SLC47A2: variants seen among roughly 807,000 people sequenced by gnomAD.
SLC47A2 encodes the protein solute carrier family 47 member 2, also known as multidrug and toxin extrusion protein 2.
Under a neutral mutation model 67.7 loss-of-function variants are expected in SLC47A2, and 52 were observed. That is an observed-to-expected ratio of 0.77 (90% confidence interval 0.61 to 0.97). The LOEUF (loss-of-function observed/expected upper bound fraction) is 0.97. Ranked by LOEUF, SLC47A2 falls within the 50% of genes least tolerant of loss-of-function variation. SLC47A2 has a pLI of 0.00. For synonymous variants in SLC47A2, 278 were observed against 292.9 expected (o/e 0.95, Z 0.52); for missense variants, 676 against 712.3 (o/e 0.95, Z 0.58).
chr17:19,715,152 G>A lies in SLC47A2; in HGVS notation c.189C>T (p.Gly63=). Residue 63 remains glycine, a synonymous_variant, in exon 2 of 17, where the codon GGC becomes GGT. Transcript: ENST00000433844. ...IVSTVFCGHL[G]KVELASVTLA... is the part of the protein sequence containing the mutation. ...GGGTCACCGATGCCAGCTCCACCTT[G>A]CCCAGGTGCCCGCAGAACACAGTGC... 1.2e-6 allele frequency: 2 copies of A among 1,612,476 alleles called. No homozygotes were observed. The highest frequency in any genetic ancestry group is 1.1e-5 in the South Asian group (1 of 91,086).
At chr17:19,698,624 G>C (rs1298625879) in intron 13 of SLC47A2, among the ~76,000 whole-genome samples, 3 of 152,000 alleles carry the variant, frequency 2.0e-5, no homozygotes, top group Non-Finnish European at 4.4e-5. Context: ...CAAAGTCCAG[G>C]GATTACAAGC....
chr17:19,713,515 A>T (rs1326730044), intron 4 of SLC47A2, among the ~76,000 whole-genome samples: 4 of 152,258 alleles, frequency 2.6e-5, no homozygotes, highest in Non-Finnish European at 2.9e-5. Context: ...CTTCGAAAGC[A>T]TCTGTAAAGC....
In SLC47A2 at chr17:19,678,596, A is replaced by G. The variant is rs563463924; in HGVS notation, c.*90T>C. ...GTGGTTCAAAGTGTCCACCTGCACTAGACCCCATTGGTGTTTTTGCAGGGC... is the reference window on the plus strand; with the variant it reads ...GTGGTTCAAAGTGTCCACCTGCACTGGACCCCATTGGTGTTTTTGCAGGGC... On this transcript the variant is annotated 3_prime_UTR_variant, in exon 17 of 17. Transcript: ENST00000433844. The G allele has an allele frequency of 2.1e-5, 28 of 1,363,538 alleles. No homozygotes were observed. The highest frequency in any genetic ancestry group is 2.4e-5 in the Non-Finnish European group (23 of 963,852). The allele number at this position is 1,363,538 out of a possible 1,614,324, so 84.5% of individuals were successfully genotyped here. A position where few individuals can be genotyped will look rare whatever the true frequency, so the allele number is the denominator to read the frequency against.
Position 19,714,751 on chromosome 17 carries a change from C to G in SLC47A2, c.264G>C (p.Leu88Phe). 2 of 1,614,148 alleles carry G rather than the reference C, an allele frequency of 1.2e-6. No individual in the cohort carries two copies. Among genetic ancestry groups the G allele is most frequent in the Non-Finnish European group, 1.7e-6 (2 of 1,180,050 alleles). ...ACATCAAGGTGTCACATGCCGAAGA[C>G]AAACCAACTCCTACAGAAACTCCGC... is the stretch of plus-strand genomic sequence containing the variant. ...NVCGVSVGVG[L>F]SSACDTLMSQ... Residue 88 changes from leucine to phenylalanine, a missense_variant, in exon 3 of 17, where the codon TTG becomes TTC. Leu to Phe is a conservative substitution (Grantham distance 22, BLOSUM62 0). Transcript: ENST00000433844.
rs1381803068 is a variant in SLC47A2 at position 19,716,474 on chromosome 17, CA to C, written c.81del (p.Phe27LeufsTer21). On this transcript the variant is annotated frameshift_variant, in exon 1 of 17. Coordinates refer to ENST00000433844, the MANE Select transcript of SLC47A2 (RefSeq NM_001099646.3). LOFTEE classifies it high-confidence loss of function. ...PALSRLVPRG[F>X]GTEMWTLFAL... is the part of the protein sequence containing the mutation. ...GCAAAGAGAGTCCACATCTCAGTCC[CA>C]AAGCCTCTGGGAACCAGCCTGCTGA... 6.2e-7 allele frequency: 1 copy of C among 1,612,670 alleles called. No individual in the cohort carries two copies. The highest frequency in any genetic ancestry group is 8.5e-7 in the Non-Finnish European group (1 of 1,179,486).
chr17:19,690,249 T>C (rs2085511230), intron 13 of SLC47A2, among the ~76,000 whole-genome samples: 1 of 152,160 alleles, frequency 6.6e-6, no homozygotes, highest in African/African-American at 2.4e-5. Context: ...CCCCTATCTC[T>C]CACCGTATAC....
chr17:19,696,031 GT>G (rs2085655627), intron 13 of SLC47A2, among the ~76,000 whole-genome samples: 1 of 149,754 alleles, frequency 6.7e-6, no homozygotes, highest in South Asian at 2.1e-4. Flanking sequence ...GCCAAAAGAT[GT>G]TGAAATTCTA....
At position 19,715,152 on chromosome 17, in the gene SLC47A2, G is replaced by T; in HGVS notation, c.189C>A (p.Gly63=). Residue 63 remains glycine, a synonymous_variant, in exon 2 of 17, where the codon GGC becomes GGA. Coordinates refer to ENST00000433844, the MANE Select transcript of SLC47A2 (RefSeq NM_001099646.3). Reference sequence around the variant, plus strand: ...GGGTCACCGATGCCAGCTCCACCTTGCCCAGGTGCCCGCAGAACACAGTGC... The same window carrying T: ...GGGTCACCGATGCCAGCTCCACCTTTCCCAGGTGCCCGCAGAACACAGTGC... ...IVSTVFCGHL[G]KVELASVTLA... 6.2e-7 allele frequency: 1 copy of T among 1,612,476 alleles called. No homozygotes were observed.
Position 19,703,136 on chromosome 17 carries a change from T to C in SLC47A2, c.1050A>G (p.Ile350Met), listed in dbSNP as rs754842501. ...GCCCCAGCTGATTTTTCAGGATGCT[T>C]ATCAGGGTGCCCAGGACCAGGGAAA... ...VGISLVLGTL[I>M]SILKNQLGHI... Residue 350 changes from isoleucine to methionine, a missense_variant, in exon 12 of 17, where the codon ATA becomes ATG. Physicochemically the swap from Ile to Met is conservative, Grantham distance 10. Coordinates refer to ENST00000433844, the MANE Select transcript of SLC47A2 (RefSeq NM_001099646.3). 3.7e-6 allele frequency: 6 copies of C among 1,613,992 alleles called. No homozygotes were observed. The highest frequency in any genetic ancestry group is 1.7e-5 in the Admixed American group (1 of 60,004).
chr17:19,711,557 C>T (rs1259038729), intron 5 of SLC47A2, among the ~76,000 whole-genome samples: 9 of 128,476 alleles, frequency 7.0e-5, no homozygotes, highest in Admixed American at 6.6e-4. Context: ...CCACTGCACT[C>T]CAGCCTGGAT....
chr17:19,678,677 GCTT>G lies in SLC47A2; in HGVS notation c.*6_*8del, dbSNP rs765424466. ...GCCACTCCTGGCTTTCTATTTCCAA[GCTT>G]CTTTGCTAGTGCCTGGTGGCTAGGA... is the stretch of plus-strand genomic sequence containing the variant. On this transcript the variant is annotated 3_prime_UTR_variant, in exon 17 of 17. Coordinates refer to ENST00000433844, the MANE Select transcript of SLC47A2 (RefSeq NM_001099646.3). The G allele has an allele frequency of 6.2e-7, 1 of 1,610,982 alleles. No homozygotes were observed. The highest frequency in any genetic ancestry group is 8.5e-7 in the Non-Finnish European group (1 of 1,178,814).
chr17:19,687,204 T>C (rs932162702), intron 13 of SLC47A2, among the ~76,000 whole-genome samples: 7 of 152,152 alleles, frequency 4.6e-5, no homozygotes, highest in African/African-American at 1.4e-4. Context: ...AGTGGGTCAA[T>C]GAAGAAATTA....
At chr17:19,704,010 G>A (rs2085858220) in intron 11 of SLC47A2, 60 bp downstream of exon 11, 7 of 1,336,928 alleles carry the variant, frequency 5.2e-6, no homozygotes, top group Non-Finnish European at 7.2e-6. Context: ...GCCTTCCTGT[G>A]GCCCAGGCTG....
intron 5 of SLC47A2, among the ~76,000 whole-genome samples, chr17:19,709,177 TG>T (rs2086030015): frequency 6.6e-6 from 1 of 152,184 alleles, no homozygotes; most frequent in Non-Finnish European, 1.5e-5. Context: ...GATTTGAAGG[TG>T]TGACTTCGGA....
At chr17:19,698,519 T>C (rs1285967224) in intron 13 of SLC47A2, among the ~76,000 whole-genome samples, 1 of 152,074 alleles carries the variant, frequency 6.6e-6, no homozygotes, top group African/African-American at 2.4e-5. Context: ...GCTTGGCTAA[T>C]TTTTGTATTT....
intron 10 of SLC47A2, chr17:19,704,641 G>A (rs991666845): frequency 1.9e-6 from 3 of 1,544,654 alleles, no homozygotes; most frequent in African/African-American, 2.7e-5. Flanking sequence ...GGGATAACAT[G>A]CAGATGCGTA....
At chr17:19,695,512 C>CAAAAAAAAAAAAAAAAAAAAA (rs1567622402) in intron 13 of SLC47A2, among the ~76,000 whole-genome samples, 1 of 76,116 alleles carries the variant, frequency 1.3e-5, no homozygotes. Context: ...AAAAAAAAAA[C>CAAAAAAAAAAAAAAAAAAAAA]AGCAAAAAAA....
At chr17:19,708,561 CGGGAG>C in intron 6 of SLC47A2, 150 bp downstream of exon 6, 1 of 1,607,466 alleles carries the variant, frequency 6.2e-7, no homozygotes, top group Non-Finnish European at 8.5e-7. Flanking sequence ...TGCCTCTGTG[CGGGAG>C]GTCAGGATAT....
Position 19,703,231 on chromosome 17 carries a change from AGCAAAGGGCTG to A in SLC47A2, c.1019-75_1019-65del, listed in dbSNP as rs941302692. 19 of 1,489,608 alleles carry A rather than the reference AGCAAAGGGCTG, an allele frequency of 1.3e-5. No individual in the cohort carries two copies. The Admixed American group carries it at 3.2e-4, about 25-fold the overall frequency. The allele number at this position is 1,489,608 out of a possible 1,614,324, so 92.3% of individuals were successfully genotyped here. A position where few individuals can be genotyped will look rare whatever the true frequency, so the allele number is the denominator to read the frequency against. ...GCCAGGAAGCACCCTTGCTCAGATC[AGCAAAGGGCTG>A]GCCCCTATGTCAGTGCAAGTCAGCC... On this transcript the variant is annotated intron_variant, in intron 11 of 16. Transcript: ENST00000433844.
Sources: allele counts gnomAD v4.1 joint callset (sites outside exome capture counted in the v4.1 genomes callset), GRCh38; gene constraint gnomAD v4.1.1; transcripts MANE v1.5; gene names NCBI Gene and HGNC (gene_info 2026-07-23, HGNC 2026-07-21).